IGSF21: variants seen among roughly 807,000 people sequenced by gnomAD.
The protein encoded by IGSF21 is immunoglobin superfamily member 21.
Under a neutral mutation model 46.8 loss-of-function variants are expected in IGSF21, and 28 were observed. That is an observed-to-expected ratio of 0.60 (90% CI 0.44 to 0.82). The LOEUF is 0.82. Ranked by LOEUF, IGSF21 falls within the 40% of genes least tolerant of loss-of-function variation. The pLI, the probability that IGSF21 is intolerant of heterozygous loss-of-function variation, is 0.00. For missense variants in IGSF21, 624 were observed against 665.5 expected, an observed-to-expected ratio of 0.94 and a Z score of 0.69; for synonymous variants, 284 against 273.6, an observed-to-expected ratio of 1.04 and a Z score of -0.38.
intron 3 of IGSF21, among the ~76,000 whole-genome samples, chr1:18,330,354 C>T (rs1032329827): frequency 1.3e-5 from 2 of 152,194 alleles, no homozygotes; most frequent in African/African-American, 2.4e-5. Context: ...CAGATGGTAA[C>T]AGGGGAAACC....
intron 4 of IGSF21, among the ~76,000 whole-genome samples, chr1:18,349,651 C>T (rs993837746): frequency 5.3e-5 from 8 of 152,210 alleles, no homozygotes; most frequent in African/African-American, 1.7e-4. Context: ...GCAGCACTCA[C>T]CACAGCTGAC....
At chr1:18,178,013 CAT>C (rs2086819704) in intron 1 of IGSF21, among the ~76,000 whole-genome samples, 1 of 151,884 alleles carries the variant, frequency 6.6e-6, no homozygotes, top group Non-Finnish European at 1.5e-5. Context: ...TAAGCCATCA[CAT>C]AGATTTCAAT....
At chr1:18,314,020 G>T (rs1156657742) in intron 3 of IGSF21, among the ~76,000 whole-genome samples, 1 of 152,172 alleles carries the variant, frequency 6.6e-6, no homozygotes, top group Non-Finnish European at 1.5e-5. Context: ...CCACCATAAA[G>T]CTAATAAACT....
chr1:18,232,208 G>GTTTTTTTTTT (rs1569586272), intron 2 of IGSF21, among the ~76,000 whole-genome samples: 2 of 6,388 alleles, frequency 3.1e-4, no homozygotes, highest in South Asian at 7.1e-3. Flanking sequence ...GCTCCAGACA[G>GTTTTTTTTTT]CTTTTTTTTG....
At chr1:18,372,846 ATGGATGGATGGATGGATGGG>A (rs1426146551) in intron 6 of IGSF21, among the ~76,000 whole-genome samples, 2,321 of 96,216 alleles carry the variant, frequency 0.024, 46 homozygotes, top group African/African-American at 0.083. Context: ...GGATGGATGG[ATGGATGGATGGATGGATGGG>A]TGGATGGATG....
At chr1:18,163,027 C>T (rs1180201035) in intron 1 of IGSF21, among the ~76,000 whole-genome samples, 2 of 152,146 alleles carry the variant, frequency 1.3e-5, no homozygotes, top group African/African-American at 4.8e-5. Context: ...AGGATTTGGA[C>T]ATGGGGAGGT....
Position 18,365,133 on chromosome 1 carries a change from G to C in IGSF21, c.541-90G>C. On this transcript the variant is annotated intron_variant, in intron 5 of 9. Coordinates refer to ENST00000251296, the MANE Select transcript of IGSF21 (RefSeq NM_032880.5). This position sits in a 1 kb window ranked among gnomAD's most constrained non-coding sequence, Gnocchi z 4.8. ...AGACTACTATGCTCTGGAAGAACTG[G>C]CATCCTGTGCCCAGTTCATCGGAGA... 3.1e-6 allele frequency: 3 copies of C among 962,608 alleles called. No individual in the cohort carries two copies. Among genetic ancestry groups the C allele is most frequent in the Non-Finnish European group, 4.8e-6 (3 of 623,132 alleles). 59.6% of individuals were successfully genotyped at this position (962,608 alleles called of 1,614,324 possible). A position where few individuals can be genotyped will look rare whatever the true frequency, so the allele number is the denominator to read the frequency against.
intron 1 of IGSF21, among the ~76,000 whole-genome samples, chr1:18,219,498 A>G (rs1336359479): frequency 1.3e-5 from 2 of 152,170 alleles, no homozygotes; most frequent in African/African-American, 4.8e-5. Context: ...GAGATGGAGC[A>G]GTAGGTGAGG....
intron 1 of IGSF21, among the ~76,000 whole-genome samples, chr1:18,135,011 G>A (rs1190966969): frequency 2.6e-5 from 4 of 152,198 alleles, no homozygotes; most frequent in African/African-American, 7.2e-5. Flanking sequence ...ATCAGCCCAC[G>A]CCATCCTCCT....
At chr1:18,208,476 G>C (rs9730290) in intron 1 of IGSF21, among the ~76,000 whole-genome samples, 2,213 of 145,292 alleles carry the variant, frequency 0.015, 58 homozygotes, top group African/African-American at 0.052. Flanking sequence ...CCGCCTCCCG[G>C]GTTCACGCCA....
chr1:18,204,462 T>G (rs2124485125), intron 1 of IGSF21, among the ~76,000 whole-genome samples: 1 of 152,304 alleles, frequency 6.6e-6, no homozygotes. Flanking sequence ...TACAAAAATC[T>G]TCCTTCTTTG....
intron 5 of IGSF21, among the ~76,000 whole-genome samples, chr1:18,364,259 C>T (rs931565472): frequency 6.6e-6 from 1 of 151,972 alleles, no homozygotes; most frequent in Non-Finnish European, 1.5e-5. Context: ...ATTTAAAGCA[C>T]TTTTCAAAAA....
At chr1:18,204,411 T>G (rs1039742609) in intron 1 of IGSF21, among the ~76,000 whole-genome samples, 2 of 152,212 alleles carry the variant, frequency 1.3e-5, no homozygotes, top group Non-Finnish European at 2.9e-5. Flanking sequence ...CAAAGGAATC[T>G]AAAACGAGCC....
intron 1 of IGSF21, among the ~76,000 whole-genome samples, chr1:18,159,587 T>C (rs1402796332): frequency 3.9e-5 from 6 of 152,186 alleles, no homozygotes. Context: ...CCATGTAAGA[T>C]GTGCCTCTTG....
chr1:18,376,501 C>T, intron 7 of IGSF21, 106 bp downstream of exon 7: 1 of 856,006 alleles, frequency 1.2e-6, no homozygotes, highest in South Asian at 1.4e-5. Context: ...CTTTGATCCC[C>T]AGCCACATCC....
chr1:18,303,085 C>G (rs111707189), intron 3 of IGSF21, among the ~76,000 whole-genome samples: 2,100 of 152,224 alleles, frequency 0.014, 53 homozygotes, highest in African/African-American at 0.039. Flanking sequence ...CTGGGGCCCC[C>G]AACCACCAAG....
At chr1:18,161,742 T>C (rs372166849) in intron 1 of IGSF21, among the ~76,000 whole-genome samples, 1 of 152,112 alleles carries the variant, frequency 6.6e-6, no homozygotes, top group Non-Finnish European at 1.5e-5. Context: ...TGATACAGTC[T>C]CGCGTGGCGG....
At chr1:18,125,162 G>C (rs1000344905) in intron 1 of IGSF21, among the ~76,000 whole-genome samples, 1 of 152,184 alleles carries the variant, frequency 6.6e-6, no homozygotes, top group South Asian at 2.1e-4. Context: ...TGAAGACACA[G>C]CACTCCCAGC....
At chr1:18,123,557 A>G (rs1482021652) in intron 1 of IGSF21, among the ~76,000 whole-genome samples, 6 of 152,256 alleles carry the variant, frequency 3.9e-5, no homozygotes, top group Non-Finnish European at 1.5e-5. Flanking sequence ...TGACATAGGT[A>G]CCAAGTCCTA....
Sources: gnomAD v4.1 joint callset for allele counts (sites outside exome capture counted in the v4.1 genomes callset) on GRCh38, gnomAD v4.1.1 for gene constraint, Gnocchi (gnomAD v3.1) non-coding constraint, MANE v1.5 for transcripts, NCBI Gene and HGNC (gene_info 2026-07-23, HGNC 2026-07-21) for gene names.